DPYD: variants seen among roughly 807,000 people sequenced by gnomAD.
DPYD encodes dihydropyrimidine dehydrogenase [NADP(+)].
In DPYD, 109 loss-of-function variants were observed where a neutral mutation model predicts 116.2. The ratio of observed to expected loss-of-function variants is 0.94; its 90% CI spans 0.80 to 1.10. The LOEUF (loss-of-function observed/expected upper bound fraction) is 1.10. DPYD is among the 50% of genes least tolerant of loss of function. DPYD has a pLI of 0.00. For synonymous variants in DPYD, 440 were observed against 432.0 expected (o/e 1.02, Z -0.23); for missense variants, 1,302 against 1,254.5 (o/e 1.04, Z -0.57).
intron 20 of DPYD, among the ~76,000 whole-genome samples, chr1:97,176,559 T>C (rs1284379452): frequency 6.6e-6 from 1 of 152,204 alleles, no homozygotes; most frequent in Non-Finnish European, 1.5e-5. Context: ...AGGAAGCAGC[T>C]GGTGAGATAA....
chr1:97,497,196 CT>C (rs1292024759), intron 13 of DPYD, among the ~76,000 whole-genome samples: 1 of 151,772 alleles, frequency 6.6e-6, no homozygotes, highest in Non-Finnish European at 1.5e-5. Flanking sequence ...ATATTAAATG[CT>C]TTCCTTTTGG....
intron 20 of DPYD, among the ~76,000 whole-genome samples, chr1:97,147,426 G>A (rs761178160): frequency 6.6e-6 from 1 of 152,174 alleles, no homozygotes; most frequent in South Asian, 2.1e-4. Context: ...AAACAGCCTT[G>A]AATGCCAGAT....
rs1478492490 is a variant in DPYD at position 97,740,389 on chromosome 1, T to C, written c.321+3A>G. 3.7e-6 allele frequency: 6 copies of C among 1,608,576 alleles called. No homozygotes were observed. The highest frequency in any genetic ancestry group is 4.3e-6 in the Non-Finnish European group (5 of 1,175,322). The stretch of plus-strand genomic sequence containing the variant: ...TCATTTGCAGAGTTAAATCTGAATT[T>C]ACCTTGTTTGCAATACTTGTGATGA... On this transcript the variant is annotated splice_donor_region_variant and intron_variant, in intron 4 of 22. Transcript: ENST00000370192.
chr1:97,409,982 C>A (rs1673887203), intron 14 of DPYD, among the ~76,000 whole-genome samples: 1 of 151,890 alleles, frequency 6.6e-6, no homozygotes, highest in Non-Finnish European at 1.5e-5. Context: ...AGAAGAATTG[C>A]TTGAACCGGG....
At chr1:97,342,454 T>C (rs916223410) in intron 16 of DPYD, among the ~76,000 whole-genome samples, 3 of 152,316 alleles carry the variant, frequency 2.0e-5, no homozygotes, top group Admixed American at 1.3e-4. Context: ...AGAAAATCAC[T>C]GAAACATTCT....
At chr1:97,484,327 CA>C (rs889098909) in intron 13 of DPYD, among the ~76,000 whole-genome samples, 1 of 151,918 alleles carries the variant, frequency 6.6e-6, no homozygotes, top group Admixed American at 6.6e-5. Flanking sequence ...AAAACAAAAA[CA>C]AAAAAATTCC....
At chr1:97,593,835 C>T (rs1268512909) in intron 9 of DPYD, among the ~76,000 whole-genome samples, 1 of 151,914 alleles carries the variant, frequency 6.6e-6, no homozygotes, top group Admixed American at 6.6e-5. Context: ...TAACACATAC[C>T]TCTGTTATAT....
intron 11 of DPYD, among the ~76,000 whole-genome samples, chr1:97,553,491 G>T (rs1379790991): frequency 6.6e-6 from 1 of 151,844 alleles, no homozygotes; most frequent in African/African-American, 2.4e-5. Flanking sequence ...ATTTAACTTG[G>T]AATACAATAA....
intron 14 of DPYD, among the ~76,000 whole-genome samples, chr1:97,439,090 T>C (rs938363072): frequency 2.0e-5 from 3 of 152,106 alleles, no homozygotes; most frequent in Non-Finnish European, 4.4e-5. Context: ...TAACTAGAAA[T>C]AGATTTTTAA....
chr1:97,606,353 A>T (rs1354145499), intron 8 of DPYD, among the ~76,000 whole-genome samples: 2 of 152,070 alleles, frequency 1.3e-5, no homozygotes, highest in African/African-American at 4.8e-5. Context: ...TAATAAAAAA[A>T]TTTAGAATAG....
intron 1 of DPYD, among the ~76,000 whole-genome samples, chr1:97,899,789 T>C (rs370053295): frequency 1.3e-5 from 2 of 151,996 alleles, no homozygotes; most frequent in East Asian, 3.9e-4. Context: ...CATGGGACCA[T>C]GGGCTTTAAA....
intron 11 of DPYD, among the ~76,000 whole-genome samples, chr1:97,568,579 T>C (rs914827156): frequency 3.3e-5 from 5 of 152,058 alleles, no homozygotes. Context: ...TCAGCCAATA[T>C]ACCAGATAGA....
intron 11 of DPYD, among the ~76,000 whole-genome samples, chr1:97,558,784 T>C (rs1651927013): frequency 6.6e-6 from 1 of 152,162 alleles, no homozygotes; most frequent in Admixed American, 6.6e-5. Context: ...CAATTCAGAA[T>C]TAAAATAGTC....
intron 13 of DPYD, among the ~76,000 whole-genome samples, chr1:97,481,866 C>T (rs1678334705): frequency 6.6e-6 from 1 of 152,130 alleles, no homozygotes; most frequent in Non-Finnish European, 1.5e-5. Context: ...TACTCTCTCT[C>T]TCTCTCTGTA....
At chr1:97,242,412 A>C (rs1408268912) in intron 18 of DPYD, among the ~76,000 whole-genome samples, 1 of 151,212 alleles carries the variant, frequency 6.6e-6, no homozygotes, top group Admixed American at 6.6e-5. Context: ...CACAAGTAGC[A>C]GAGCAATATA....
At chr1:97,472,332 C>T (rs1429617723) in intron 13 of DPYD, among the ~76,000 whole-genome samples, 1 of 152,190 alleles carries the variant, frequency 6.6e-6, no homozygotes, top group Non-Finnish European at 1.5e-5. Context: ...CTGTTCTCTC[C>T]TTCACCCACC....
intron 10 of DPYD, among the ~76,000 whole-genome samples, chr1:97,579,553 C>T (rs758683730): frequency 2.6e-5 from 4 of 152,222 alleles, no homozygotes; most frequent in Admixed American, 6.5e-5. Context: ...CCACATGCAG[C>T]GTTACTGTTT....
At chr1:97,561,826 C>T (rs909748071) in intron 11 of DPYD, among the ~76,000 whole-genome samples, 2 of 152,192 alleles carry the variant, frequency 1.3e-5, no homozygotes, top group Non-Finnish European at 2.9e-5. Context: ...CAATCCCTGT[C>T]TCTGTTCTCC....
chr1:97,520,610 T>C (rs895693346), intron 12 of DPYD, among the ~76,000 whole-genome samples: 1 of 152,152 alleles, frequency 6.6e-6, no homozygotes, highest in Non-Finnish European at 1.5e-5. Context: ...TTTCTCCTAA[T>C]GCTATCCCTC....
Sources: gnomAD v4.1 joint callset for allele counts (sites outside exome capture counted in the v4.1 genomes callset) on GRCh38, gnomAD v4.1.1 for gene constraint, MANE v1.5 for transcripts, NCBI Gene and HGNC (gene_info 2026-07-23, HGNC 2026-07-21) for gene names.